CREB5: variants seen among roughly 807,000 people sequenced by gnomAD.
CREB5 encodes cyclic AMP-responsive element-binding protein 5.
CREB5 carries 19 observed loss-of-function variants against 57.1 expected under a neutral mutation model. The observed-to-expected ratio is 0.33, with a 90% CI of 0.23 to 0.49. The LOEUF is 0.49. Among genes scored for constraint, CREB5 ranks in the 20% least tolerant of loss-of-function variants. CREB5 has a pLI of 0.99. For synonymous variants in CREB5, 238 were observed against 238.3 expected (o/e 1.00, Z 0.01); for missense variants, 579 against 671.6 (o/e 0.86, Z 1.52).
chr7:28,587,266 T>C (rs995936833), intron 5 of CREB5, among the ~76,000 whole-genome samples: 6 of 152,222 alleles, frequency 3.9e-5, no homozygotes, highest in Non-Finnish European at 7.3e-5. Flanking sequence ...AATGGTTTGC[T>C]GCTAATGACA....
At chr7:28,318,966 A>G (rs1174837724) in intron 1 of CREB5, among the ~76,000 whole-genome samples, 1 of 152,208 alleles carries the variant, frequency 6.6e-6, no homozygotes, top group Non-Finnish European at 1.5e-5. Context: ...CTGACATTCT[A>G]TCTGTGGCAC....
chr7:28,433,756 C>A (rs1395669946), intron 1 of CREB5, among the ~76,000 whole-genome samples: 1 of 151,952 alleles, frequency 6.6e-6, no homozygotes, highest in African/African-American at 2.4e-5. Flanking sequence ...TTTGGTTCTT[C>A]ATTACTTGTG....
chr7:28,557,194 A>G (rs1794913694), intron 4 of CREB5, among the ~76,000 whole-genome samples: 2 of 128,576 alleles, frequency 1.6e-5, no homozygotes, highest in South Asian at 4.7e-4. Context: ...TCTAATTGAA[A>G]TTGTGCTTTT....
chr7:28,763,790 G>A (rs1018787851), intron 7 of CREB5, among the ~76,000 whole-genome samples: 2 of 132,752 alleles, frequency 1.5e-5, no homozygotes, highest in African/African-American at 5.5e-5. Context: ...AATCGCTGTG[G>A]GGATATTATT....
At chr7:28,769,712 T>C (rs1478444814) in intron 7 of CREB5, among the ~76,000 whole-genome samples, 1 of 152,154 alleles carries the variant, frequency 6.6e-6, no homozygotes, top group East Asian at 1.9e-4. Context: ...TTTTTGTCCT[T>C]ATAGGGCAGT....
At chr7:28,414,589 A>G (rs1787955519) in intron 1 of CREB5, among the ~76,000 whole-genome samples, 1 of 152,220 alleles carries the variant, frequency 6.6e-6, no homozygotes, top group South Asian at 2.1e-4. Flanking sequence ...GCTATTTGTA[A>G]AATAAGTAAG....
At chr7:28,531,984 G>T (rs977640792) in intron 4 of CREB5, among the ~76,000 whole-genome samples, 1 of 152,196 alleles carries the variant, frequency 6.6e-6, no homozygotes, top group African/African-American at 2.4e-5. Flanking sequence ...AGCTGAGATT[G>T]TGCCACTGCA....
chr7:28,809,084 T>C (rs976348057), intron 8 of CREB5, 103 bp from the exon 9 acceptor site: 5 of 1,054,492 alleles, frequency 4.7e-6, no homozygotes, highest in Non-Finnish European at 5.6e-6. Flanking sequence ...ACTGAAACGA[T>C]AGACTTTCTG....
intron 7 of CREB5, among the ~76,000 whole-genome samples, chr7:28,743,105 G>A (rs1453178385): frequency 2.6e-5 from 4 of 152,142 alleles, no homozygotes. Context: ...TACTAATCGA[G>A]TGTTGAGACT....
At chr7:28,404,471 C>A (rs1787536762) in intron 1 of CREB5, among the ~76,000 whole-genome samples, 1 of 152,100 alleles carries the variant, frequency 6.6e-6, no homozygotes, top group Non-Finnish European at 1.5e-5. Flanking sequence ...TTCCATGCAC[C>A]TTGGGTCCAC....
chr7:28,313,522 C>CCATT (rs1235074743), intron 1 of CREB5, among the ~76,000 whole-genome samples: 3 of 152,154 alleles, frequency 2.0e-5, no homozygotes, highest in African/African-American at 7.2e-5. Flanking sequence ...AAACCTCAAG[C>CCATT]CATTCTAAGG....
At chr7:28,353,715 C>T (rs903906199) in intron 1 of CREB5, among the ~76,000 whole-genome samples, 4 of 151,720 alleles carry the variant, frequency 2.6e-5, no homozygotes, top group South Asian at 2.1e-4. Context: ...TGGTGGCAGG[C>T]GCCTGTAGTC....
chr7:28,517,770 T>C (rs1277372503), intron 4 of CREB5, among the ~76,000 whole-genome samples: 1 of 152,058 alleles, frequency 6.6e-6, no homozygotes, highest in African/African-American at 2.4e-5. Flanking sequence ...CTTTGCTTTC[T>C]GGGATAGTCA....
At chr7:28,737,538 CGTATATAT>C (rs1229879147) in intron 7 of CREB5, among the ~76,000 whole-genome samples, 1,948 of 47,768 alleles carry the variant, frequency 0.041, 51 homozygotes, top group East Asian at 0.082. Flanking sequence ...TATATATATA[CGTATATAT>C]ATATATATAT....
chr7:28,642,987 TACACACACACACAC>T (rs1179446048), intron 5 of CREB5, among the ~76,000 whole-genome samples: 4 of 98,328 alleles, frequency 4.1e-5, no homozygotes, highest in African/African-American at 7.3e-5. Context: ...CACACACACA[TACACACACACACAC>T]ACACACACAC....
chr7:28,621,326 T>C (rs894126019), intron 5 of CREB5, among the ~76,000 whole-genome samples: 9 of 152,162 alleles, frequency 5.9e-5, no homozygotes, highest in African/African-American at 2.2e-4. Context: ...TTATGATAGT[T>C]ATGAACAAGG....
At chr7:28,437,500 T>C (rs567861911) in intron 1 of CREB5, among the ~76,000 whole-genome samples, 2 of 152,270 alleles carry the variant, frequency 1.3e-5, no homozygotes, top group African/African-American at 2.4e-5. Context: ...CTTCCTTCTA[T>C]CATCTTCTAC....
chr7:28,425,216 T>C (rs999883400), intron 1 of CREB5, among the ~76,000 whole-genome samples: 1 of 151,874 alleles, frequency 6.6e-6, no homozygotes. Context: ...AACTGTTGAG[T>C]AGATAAGCAA....
Position 28,560,866 on chromosome 7 carries a change from C to CGTGCGTGCGTGCGCGCG in CREB5, c.292-9499_292-9498insGTGCGTGCGTGCGCGCG, listed in dbSNP as rs1562797336. 1.8e-3 allele frequency among the ~76,000 whole-genome samples: 93 copies of CGTGCGTGCGTGCGCGCG among 50,288 alleles called. 5 individuals are homozygous for CGTGCGTGCGTGCGCGCG. Among genetic ancestry groups the CGTGCGTGCGTGCGCGCG allele is most frequent in the Non-Finnish European group, 3.3e-3 (76 of 23,154 alleles). 33.0% of individuals were successfully genotyped at this position (50,288 alleles called of 152,430 possible). A position where few individuals can be genotyped will look rare whatever the true frequency, so the allele number is the denominator to read the frequency against. ...TGTGCGCGTGTGTGTGTGCGTGTGC[C>CGTGCGTGCGTGCGCGCG]TGCGTGCGCGTGCGTGCGTGCGTGT... On this transcript the variant is annotated intron_variant, in intron 4 of 10. Transcript: ENST00000357727.
Sources: gnomAD v4.1 joint callset for allele counts (sites outside exome capture counted in the v4.1 genomes callset) on GRCh38, gnomAD v4.1.1 for gene constraint, MANE v1.5 for transcripts, NCBI Gene and HGNC (gene_info 2026-07-23, HGNC 2026-07-21) for gene names.